Variants in MARCHF1 observed in about 807,000 individuals in gnomAD.
MARCHF1 encodes membrane associated ring-CH-type finger 1.
Under a neutral mutation model 54.2 loss-of-function variants are expected in MARCHF1, and 40 were observed. The ratio of observed to expected loss-of-function variants is 0.74; its 90% confidence interval spans 0.57 to 0.96. MARCHF1 has a LOEUF of 0.96. Ranked by LOEUF, MARCHF1 falls within the 40% of genes least tolerant of loss-of-function variation. The pLI, the probability that MARCHF1 is intolerant of heterozygous loss-of-function variation, is 0.00. For synonymous variants in MARCHF1, 236 were observed against 236.3 expected (o/e 1.00, Z 0.01); for missense variants, 586 against 656.5 (o/e 0.89, Z 1.17).
At chr4:163,841,902 T>C (rs1749350968) in intron 4 of MARCHF1, among the ~76,000 whole-genome samples, 1 of 152,116 alleles carries the variant, frequency 6.6e-6, no homozygotes, top group African/African-American at 2.4e-5. Flanking sequence ...ATATCAGCAT[T>C]TGAGTTGCTG....
intron 1 of MARCHF1, among the ~76,000 whole-genome samples, chr4:164,306,891 C>A (rs1054604077): frequency 2.0e-5 from 3 of 152,166 alleles, no homozygotes; most frequent in African/African-American, 7.2e-5. Context: ...AATGACATCT[C>A]TTCCTTACAT....
At chr4:164,299,274 T>A (rs903480502) in intron 1 of MARCHF1, among the ~76,000 whole-genome samples, 1 of 152,068 alleles carries the variant, frequency 6.6e-6, no homozygotes, top group Admixed American at 6.6e-5. Flanking sequence ...ATGTCCACAA[T>A]AATTTGTACT....
At chr4:164,198,277 A>G (rs896402381) in intron 1 of MARCHF1, among the ~76,000 whole-genome samples, 3 of 152,352 alleles carry the variant, frequency 2.0e-5, no homozygotes, top group African/African-American at 7.2e-5. Flanking sequence ...CTTCTGACTC[A>G]CAATGTGATC....
intron 1 of MARCHF1, among the ~76,000 whole-genome samples, chr4:164,293,221 G>A (rs189436448): frequency 6.6e-6 from 1 of 151,776 alleles, no homozygotes; most frequent in African/African-American, 2.4e-5. Flanking sequence ...AACTTAGCAT[G>A]TGGAAAAAAA....
At chr4:164,282,239 T>C (rs1157799153) in intron 1 of MARCHF1, among the ~76,000 whole-genome samples, 3 of 150,826 alleles carry the variant, frequency 2.0e-5, no homozygotes, top group African/African-American at 4.9e-5. Context: ...CTACAAGCCC[T>C]ATCATCTCCA....
intron 1 of MARCHF1, among the ~76,000 whole-genome samples, chr4:164,222,555 T>C (rs957929799): frequency 4.6e-5 from 7 of 151,800 alleles, no homozygotes; most frequent in African/African-American, 1.4e-4. Context: ...ATGTTTTCCA[T>C]AGGCAGTTCT....
At chr4:164,245,022 C>A (rs1039549233) in intron 1 of MARCHF1, among the ~76,000 whole-genome samples, 14 of 152,122 alleles carry the variant, frequency 9.2e-5, no homozygotes, top group South Asian at 2.1e-4. Flanking sequence ...CGAATTCTAC[C>A]AGAGGTACAA....
intron 9 of MARCHF1, among the ~76,000 whole-genome samples, chr4:163,543,463 A>G (rs1738790690): frequency 6.6e-6 from 1 of 151,552 alleles, no homozygotes; most frequent in Non-Finnish European, 1.5e-5. Flanking sequence ...GAGAAGTGGT[A>G]GGGGATTATG....
intron 1 of MARCHF1, among the ~76,000 whole-genome samples, chr4:164,185,948 C>T (rs1007349066): frequency 6.6e-6 from 1 of 152,160 alleles, no homozygotes; most frequent in Non-Finnish European, 1.5e-5. Flanking sequence ...GGCTGGAGTG[C>T]AGTGGCGTGA....
chr4:163,696,009 G>T (rs7687362), intron 5 of MARCHF1, among the ~76,000 whole-genome samples: 53,166 of 151,796 alleles, frequency 0.35, 10,750 homozygotes, highest in Non-Finnish European at 0.47. Flanking sequence ...ATATACTATA[G>T]TAAACCTATA....
chr4:164,180,378 C>T (rs896705821), intron 1 of MARCHF1, among the ~76,000 whole-genome samples: 20 of 152,048 alleles, frequency 1.3e-4, no homozygotes, highest in African/African-American at 4.8e-4. Flanking sequence ...GTGCAACTAA[C>T]CTTTCAAGAA....
intron 1 of MARCHF1, among the ~76,000 whole-genome samples, chr4:164,350,213 C>G (rs2110878556): frequency 6.6e-6 from 1 of 152,278 alleles, no homozygotes; most frequent in Non-Finnish European, 1.5e-5. Flanking sequence ...TGCTGACTCA[C>G]TGTGCAAAAA....
chr4:163,530,273 G>C (rs1427002126), intron 9 of MARCHF1: 3 of 151,902 alleles, frequency 2.0e-5, no homozygotes, highest in Non-Finnish European at 4.4e-5. Context: ...TATAATCCCA[G>C]ATCCCCAGCA....
intron 8 of MARCHF1, among the ~76,000 whole-genome samples, chr4:163,574,411 T>C (rs1276760367): frequency 6.6e-6 from 1 of 151,840 alleles, no homozygotes; most frequent in Non-Finnish European, 1.5e-5. Context: ...CTGAATGGTA[T>C]TGCCTAGGTT....
chr4:164,361,426 T>C (rs1561018997), intron 1 of MARCHF1, among the ~76,000 whole-genome samples: 1 of 152,140 alleles, frequency 6.6e-6, no homozygotes, highest in Non-Finnish European at 1.5e-5. Context: ...TATAAATCTA[T>C]AAAGAAATTG....
chr4:164,245,221 C>G (rs1043823234), intron 1 of MARCHF1, among the ~76,000 whole-genome samples: 1 of 152,118 alleles, frequency 6.6e-6, no homozygotes, highest in African/African-American at 2.4e-5. Context: ...AAAATACTGG[C>G]AAAATGAATC....
At chr4:164,304,536 C>T (rs764691113) in intron 1 of MARCHF1, among the ~76,000 whole-genome samples, 26 of 152,162 alleles carry the variant, frequency 1.7e-4, no homozygotes, top group Non-Finnish European at 3.5e-4. Context: ...ATGATCATTT[C>T]TAAGAATGTA....
chr4:164,036,640 G>A (rs1754009951), intron 2 of MARCHF1, among the ~76,000 whole-genome samples: 1 of 152,120 alleles, frequency 6.6e-6, no homozygotes, highest in Non-Finnish European at 1.5e-5. Flanking sequence ...TTCTCAACAA[G>A]TGATGTAATT....
rs1035316092 is a variant in MARCHF1, at chr4:163,883,235, A to G, written c.-38-29066T>C. On this transcript the variant is annotated intron_variant, in intron 3 of 9. Coordinates refer to ENST00000514618, the MANE Select transcript of MARCHF1 (RefSeq NM_001394959.1). ...CTATTTGAGATATATATATATGTGT[A>G]TATGTGTGTGTATATATATATATGA... is the stretch of plus-strand genomic sequence containing the variant. 2.7e-5 allele frequency among the ~76,000 whole-genome samples: 3 copies of G among 111,360 alleles called. No homozygotes were observed. The Admixed American group carries it at 3.9e-4, about 14-fold the overall frequency. 73.1% of individuals were successfully genotyped at this position (111,360 alleles called of 152,430 possible).
Sources: gnomAD v4.1 joint callset for allele counts (sites outside exome capture counted in the v4.1 genomes callset) on GRCh38, gnomAD v4.1.1 for gene constraint, MANE v1.5 for transcripts, NCBI Gene and HGNC (gene_info 2026-07-23, HGNC 2026-07-21) for gene names.